FAM167A: variants seen among roughly 807,000 people sequenced by gnomAD.
The protein encoded by FAM167A is family with sequence similarity 167 member A.
Under a neutral mutation model 14.9 loss-of-function variants are expected in FAM167A, and 23 were observed. The observed-to-expected ratio is 1.55, with a 90% CI of 1.11 to 2.19. The LOEUF is 2.19. Among genes scored for constraint, FAM167A ranks in the 30% most tolerant of loss-of-function variants. FAM167A has a pLI of 0.00. For synonymous variants in FAM167A, 174 were observed against 117.7 expected (o/e 1.48, Z -3.10); for missense variants, 401 against 281.5 (o/e 1.42, Z -3.04).
upstream of FAM167A, among the ~76,000 whole-genome samples, chr8:11,470,521 C>T (rs1044914004): frequency 1.3e-5 from 2 of 152,164 alleles, no homozygotes; most frequent in African/African-American, 4.8e-5. Flanking sequence ...GACTGGCCTT[C>T]CCCCGAGGGG....
chr8:11,430,287 C>T (rs983937676), intron 2 of FAM167A, among the ~76,000 whole-genome samples: 1 of 152,238 alleles, frequency 6.6e-6, no homozygotes, highest in Admixed American at 6.5e-5. Flanking sequence ...TGTCCAAGCA[C>T]TGTGGTGACA....
chr8:11,470,997 G>A (rs1465027938), upstream of FAM167A, among the ~76,000 whole-genome samples: 1 of 152,206 alleles, frequency 6.6e-6, no homozygotes, highest in Non-Finnish European at 1.5e-5. Flanking sequence ...TCCATTTAGG[G>A]GCGGCTGGCT....
chr8:11,467,530 A>C (rs953794562), upstream of FAM167A: 1 of 152,360 alleles, frequency 6.6e-6, no homozygotes. Context: ...GACCTCATCA[A>C]GCACCTTTCC....
At position 11,424,186 on chromosome 8, in the gene FAM167A, C is replaced by A. The variant is rs1201251365; in HGVS notation, c.*187G>T. On this transcript the variant is annotated 3_prime_UTR_variant, in exon 3 of 3. Coordinates refer to ENST00000284486, the MANE Select transcript of FAM167A (RefSeq NM_053279.3). Reference sequence around the variant, plus strand: ...TAAGCAAGAGCCAGTCACAGAGACACTGGCATCCACACCCAGGGCCCCTGG... The same window carrying A: ...TAAGCAAGAGCCAGTCACAGAGACAATGGCATCCACACCCAGGGCCCCTGG... 4 of 663,970 alleles carry A rather than the reference C, an allele frequency of 6.0e-6. No homozygotes were observed. The highest frequency in any genetic ancestry group is 5.5e-5 in the African/African-American group (3 of 54,936). The allele number at this position is 663,970 out of a possible 1,614,324, so 41.1% of individuals were successfully genotyped here.
intron 2 of FAM167A, among the ~76,000 whole-genome samples, chr8:11,428,362 A>T (rs1355321852): frequency 1.6e-4 from 24 of 152,270 alleles, no homozygotes; most frequent in Admixed American, 1.6e-3. Flanking sequence ...GAGGGCTGAC[A>T]GTAAGGCCTG....
intron 2 of FAM167A, 71 bp downstream of exon 2, chr8:11,443,960 G>A (rs971808168): frequency 2.0e-6 from 3 of 1,527,580 alleles, no homozygotes; most frequent in Non-Finnish European, 2.7e-6. Flanking sequence ...CAGACAGAGA[G>A]AGACAGAAAA....
rs576158448 is a variant in FAM167A, at chr8:11,456,439, A to T, written c.-398+10187T>A. 4.9e-3 allele frequency among the ~76,000 whole-genome samples: 174 copies of T among 35,310 alleles called. 2 individuals carry two copies. The highest frequency in any genetic ancestry group is 0.018 in the African/African-American group (166 of 9,154). The allele number at this position is 35,310 out of a possible 152,430, so 23.2% of individuals were successfully genotyped here. A position where few individuals can be genotyped will look rare whatever the true frequency, so the allele number is the denominator to read the frequency against. On this transcript the variant is annotated intron_variant, in intron 1 of 2. Transcript: ENST00000284486. ...GCCTTGCTGGGTGTATGAGTGTGTG[A>T]GTGTGGGTACTTGCCCTGCTGTATG...
At chr8:11,461,929 G>C (rs1048910840) in intron 1 of FAM167A, among the ~76,000 whole-genome samples, 5 of 152,238 alleles carry the variant, frequency 3.3e-5, no homozygotes, top group African/African-American at 1.2e-4. Flanking sequence ...TGACCTCTCA[G>C]GGGCTAGAAG....
rs1806656809 is a variant in FAM167A, at chr8:11,444,470, T to TA, written c.-60_-59insT. The TA allele has an allele frequency of 6.7e-7, 1 of 1,495,502 alleles. No homozygotes were observed. The allele number at this position is 1,495,502 out of a possible 1,614,324, so 92.6% of individuals were successfully genotyped here. A position where few individuals can be genotyped will look rare whatever the true frequency, so the allele number is the denominator to read the frequency against. On this transcript the variant is annotated 5_prime_UTR_variant, in exon 2 of 3. The change abolishes the stop of an existing upstream ORF in the 5' untranslated region. Transcript: ENST00000284486. ...GGCACGGGGGGCGCAGGGGGAGGCT[T>TA]GGTGGGTGGCACAGTTGGGTCCCGC...
At chr8:11,433,311 C>T (rs141618524) in intron 2 of FAM167A, among the ~76,000 whole-genome samples, 2,814 of 152,290 alleles carry the variant, frequency 0.018, 40 homozygotes, top group Middle Eastern at 0.071. Context: ...TTTCTGCTTC[C>T]TAAAATAAAG....
intron 1 of FAM167A, chr8:11,445,176 C>G (rs756753623): frequency 1.0e-6 from 1 of 984,986 alleles, no homozygotes; most frequent in East Asian, 1.1e-4. Context: ...GTTGTGGGGA[C>G]AAGCTCAGGC....
intron 1 of FAM167A, among the ~76,000 whole-genome samples, chr8:11,472,875 C>T (rs1164198228): frequency 2.0e-5 from 3 of 152,244 alleles, no homozygotes; most frequent in Non-Finnish European, 2.9e-5. Context: ...AGACTCTATC[C>T]TGCTGGGCAG....
At chr8:11,436,184 G>A (rs1055316489) in intron 2 of FAM167A, among the ~76,000 whole-genome samples, 3 of 152,224 alleles carry the variant, frequency 2.0e-5, no homozygotes, top group African/African-American at 4.8e-5. Context: ...TGTTGCCAAC[G>A]TCAAAGGGCT....
intron 1 of FAM167A, among the ~76,000 whole-genome samples, chr8:11,464,352 T>C (rs1311536963): frequency 1.3e-5 from 2 of 152,140 alleles, no homozygotes; most frequent in Admixed American, 6.5e-5. Context: ...CGGCCCTCGG[T>C]GGCAGCTCAG....
chr8:11,461,689 A>T (rs1479501844), intron 1 of FAM167A, among the ~76,000 whole-genome samples: 1 of 152,202 alleles, frequency 6.6e-6, no homozygotes, highest in Non-Finnish European at 1.5e-5. Flanking sequence ...GCCTCCAAAC[A>T]AGGCAGATCT....
intron 1 of FAM167A, among the ~76,000 whole-genome samples, chr8:11,455,191 G>C (rs1400650444): frequency 2.1e-5 from 3 of 143,974 alleles, no homozygotes; most frequent in African/African-American, 7.7e-5. Flanking sequence ...AGTGTGGGTG[G>C]TGGTTGCCTT....
chr8:11,469,423 G>C (rs1455136245), upstream of FAM167A, among the ~76,000 whole-genome samples: 1 of 152,174 alleles, frequency 6.6e-6, no homozygotes, highest in Non-Finnish European at 1.5e-5. Flanking sequence ...GTGATGGTGG[G>C]AGGATCTGGG....
At chr8:11,457,768 G>A (rs574529129) in intron 1 of FAM167A, among the ~76,000 whole-genome samples, 1 of 152,136 alleles carries the variant, frequency 6.6e-6, no homozygotes, top group Non-Finnish European at 1.5e-5. Context: ...TCATCCGAGG[G>A]CTCGCCTCCT....
At chr8:11,425,253 G>T (rs760250604) in intron 2 of FAM167A, among the ~76,000 whole-genome samples, 1 of 152,244 alleles carries the variant, frequency 6.6e-6, no homozygotes, top group South Asian at 2.1e-4. Context: ...ACAGTTAACC[G>T]TCACTACAAC....
Sources: gnomAD v4.1 joint callset for allele counts (sites outside exome capture counted in the v4.1 genomes callset) on GRCh38, gnomAD v4.1.1 for gene constraint, MANE v1.5 for transcripts, NCBI Gene and HGNC (gene_info 2026-07-23, HGNC 2026-07-21) for gene names.